The following HECA variants were observed in gnomAD, a reference collection of about 807,000 sequenced individuals.
HECA encodes HECA ribonucleoprotein granule regulator.
In HECA, 13 loss-of-function variants were observed where a neutral mutation model predicts 37.6. That is an observed-to-expected ratio of 0.35 (90% confidence interval 0.23 to 0.55). The LOEUF is 0.55. Among genes scored for constraint, HECA ranks in the 20% least tolerant of loss-of-function variants. The pLI is 0.90. For missense variants in HECA, 527 were observed against 701.9 expected (o/e 0.75, Z 2.82); for synonymous variants, 307 against 291.5 (o/e 1.05, Z -0.54).
chr6:139,176,994 G>A lies in HECA; in HGVS notation c.1521G>A (p.Gly507=), dbSNP rs750458380. The A allele has an allele frequency of 2.6e-5, 23 of 872,620 alleles. No individual in the cohort carries two copies. The highest frequency in any genetic ancestry group is 2.0e-6 in the Non-Finnish European group (1 of 501,558). The allele number at this position is 872,620 out of a possible 1,614,324, so 54.1% of individuals were successfully genotyped here. A position where few individuals can be genotyped will look rare whatever the true frequency, so the allele number is the denominator to read the frequency against. ...CGKPVIDVRI[G]MQYFSEYSNV... ...AGCCGGTGATCGACGTGAGGATCGG[G>A]ATGCAGTACTTCTCCGAATATAGCA... is the stretch of plus-strand genomic sequence containing the variant. Residue 507 remains glycine, a synonymous_variant, in exon 4 of 4, where the codon GGG becomes GGA. Transcript: ENST00000367658. This position sits in a 1 kb window ranked among gnomAD's most constrained non-coding sequence, Gnocchi z 4.5.
Position 139,167,352 on chromosome 6 carries a change from T to C in HECA, c.1312+28T>C, listed in dbSNP as rs900233574. 2.0e-6 allele frequency: 3 copies of C among 1,487,998 alleles called. No homozygotes were observed. In the Middle Eastern group the frequency reaches 5.3e-4, roughly 265 times the overall value. 92.2% of individuals were successfully genotyped at this position (1,487,998 alleles called of 1,614,324 possible). On this transcript the variant is annotated intron_variant, in intron 2 of 3. Coordinates refer to ENST00000367658, the MANE Select transcript of HECA (RefSeq NM_016217.3). Reference sequence around the variant, plus strand: ...ATAGGTGTTAATTCACCTTGCCTGCTTTCTGTTTGTTAAAAACCAAACAAC... The same window carrying C: ...ATAGGTGTTAATTCACCTTGCCTGCCTTCTGTTTGTTAAAAACCAAACAAC...
chr6:139,174,357 C>T, intron 2 of HECA, 28 bp from the exon 3 acceptor site: 1 of 1,594,762 alleles, frequency 6.3e-7, no homozygotes. Context: ...ATGATGGCCA[C>T]TCAGAGCCTT....
At chr6:139,152,724 G>A (rs1039962073) in intron 1 of HECA, among the ~76,000 whole-genome samples, 7 of 152,098 alleles carry the variant, frequency 4.6e-5, no homozygotes, top group African/African-American at 1.7e-4. Flanking sequence ...TCCTTTATGT[G>A]TAGTGCTTAG....
chr6:139,160,571 G>A (rs1774784907), intron 1 of HECA, among the ~76,000 whole-genome samples: 1 of 152,072 alleles, frequency 6.6e-6, no homozygotes, highest in South Asian at 2.1e-4. Flanking sequence ...ATGCCACTGA[G>A]CCCAACTAAT....
chr6:139,141,734 C>G (rs1203286346), intron 1 of HECA, among the ~76,000 whole-genome samples: 1 of 146,350 alleles, frequency 6.8e-6, no homozygotes, highest in African/African-American at 2.5e-5. Context: ...CATGAGAGCC[C>G]TCATGGCCTA....
intron 1 of HECA, among the ~76,000 whole-genome samples, chr6:139,142,826 T>C (rs1774531781): frequency 6.6e-6 from 1 of 152,176 alleles, no homozygotes; most frequent in Non-Finnish European, 1.5e-5. Flanking sequence ...CGGGCTCCTG[T>C]AATCTCAGCT....
intron 1 of HECA, among the ~76,000 whole-genome samples, chr6:139,139,937 C>T (rs9321702): frequency 0.67 from 101,861 of 152,140 alleles, 35,104 homozygotes; most frequent in African/African-American, 0.79. Context: ...AAATATTTCT[C>T]ACTAACAACT....
At position 139,179,735 on chromosome 6, in the gene HECA, T is replaced by C. The variant is rs1775107506; in HGVS notation, c.*2630T>C. On this transcript the variant is annotated 3_prime_UTR_variant, in exon 4 of 4. Transcript: ENST00000367658. ...AATACCCCAAGCTTGCCCTGAATACTTTGATTGGAATTGGAATATATCAAA... is the reference window on the plus strand; with the variant it reads ...AATACCCCAAGCTTGCCCTGAATACCTTGATTGGAATTGGAATATATCAAA... 6.6e-6 allele frequency: 1 copy of C among 152,170 alleles called. No individual in the cohort carries two copies. The highest frequency in any genetic ancestry group is 2.4e-5 in the African/African-American group (1 of 41,436). 9.4% of individuals were successfully genotyped at this position (152,170 alleles called of 1,614,324 possible). A position where few individuals can be genotyped will look rare whatever the true frequency, so the allele number is the denominator to read the frequency against.
Position 139,167,185 on chromosome 6 carries a change from C to T in HECA, c.1173C>T (p.Ser391=), listed in dbSNP as rs781452221. 1 of 1,614,186 alleles carries T rather than the reference C, an allele frequency of 6.2e-7. No individual in the cohort carries two copies. The highest frequency in any genetic ancestry group is 1.1e-5 in the South Asian group (1 of 91,078). The change falls in exon 2 of 4, where the codon AGC becomes AGT. Residue 391 remains serine, a synonymous_variant. Transcript: ENST00000367658. ...RKFILAALSA[S]HRNVVNCALC... ...TCATTCTGGCCGCGCTCAGTGCCAG[C>T]CACAGAAACGTGGTAAACTGTGCCC...
intron 1 of HECA, among the ~76,000 whole-genome samples, chr6:139,142,764 G>A (rs971419423): frequency 1.3e-5 from 2 of 152,154 alleles, no homozygotes; most frequent in African/African-American, 4.8e-5. Context: ...TGACCAACAT[G>A]CTGAAACCCT....
Position 139,180,204 on chromosome 6 carries a change from G to T in HECA, c.*3099G>T, listed in dbSNP as rs8476. ...AAGAAGTTCATTTTCTGAGTAAAAG[G>T]TATTTTCATATATGTTGGGGGAAAA... On this transcript the variant is annotated 3_prime_UTR_variant, in exon 4 of 4. Coordinates refer to ENST00000367658, the MANE Select transcript of HECA (RefSeq NM_016217.3). 129,704 of 152,216 alleles carry T rather than the reference G, an allele frequency of 0.85. 56,153 individuals are homozygous for T. Among genetic ancestry groups the T allele is most frequent in the African/African-American group, 0.96 (39,836 of 41,576 alleles). The allele number at this position is 152,216 out of a possible 1,614,324, so 9.4% of individuals were successfully genotyped here.
chr6:139,177,246 G>A lies in HECA; in HGVS notation c.*141G>A. On this transcript the variant is annotated 3_prime_UTR_variant, in exon 4 of 4. Coordinates refer to ENST00000367658, the MANE Select transcript of HECA (RefSeq NM_016217.3). The surrounding 1 kb of genome is among the most constrained non-coding windows in gnomAD (Gnocchi z 4.9). ...TTGTTGTATGTGTGCCACTAAAATAGGGGCTGCCCTTGCCCTGTCTTGATT... is the reference window on the plus strand; with the variant it reads ...TTGTTGTATGTGTGCCACTAAAATAAGGGCTGCCCTTGCCCTGTCTTGATT... 1 of 577,890 alleles carries A rather than the reference G, an allele frequency of 1.7e-6. No individual in the cohort carries two copies. The highest frequency in any genetic ancestry group is 3.0e-6 in the Non-Finnish European group (1 of 330,312). The allele number at this position is 577,890 out of a possible 1,614,324, so 35.8% of individuals were successfully genotyped here. A position where few individuals can be genotyped will look rare whatever the true frequency, so the allele number is the denominator to read the frequency against.
rs1038478264 is a variant in HECA at position 139,135,250 on chromosome 6, C to A, written c.-147C>A. The A allele has an allele frequency of 1.8e-6, 1 of 567,426 alleles. No homozygotes were observed. The highest frequency in any genetic ancestry group is 2.4e-6 in the Non-Finnish European group (1 of 424,402). 35.1% of individuals were successfully genotyped at this position (567,426 alleles called of 1,614,324 possible). ...GCGGCCAGGATGGCGCGGCACGGGC[C>A]GTGCGGCTAGACGGGAGCCGAGGGA... On this transcript the variant is annotated 5_prime_UTR_variant, in exon 1 of 4. Transcript: ENST00000367658.
chr6:139,153,468 G>A (rs1193595397), intron 1 of HECA, among the ~76,000 whole-genome samples: 1 of 151,684 alleles, frequency 6.6e-6, no homozygotes, highest in Non-Finnish European at 1.5e-5. Flanking sequence ...CGTCGCCCAG[G>A]CTGGAGTGCA....
chr6:139,156,054 T>C (rs2114453546), intron 1 of HECA, among the ~76,000 whole-genome samples: 1 of 152,084 alleles, frequency 6.6e-6, no homozygotes, highest in East Asian at 1.9e-4. Flanking sequence ...TTATATTTTA[T>C]ATGTTTATAT....
intron 1 of HECA, chr6:139,144,121 C>A (rs1774550799): frequency 6.6e-6 from 1 of 152,208 alleles, no homozygotes; most frequent in Non-Finnish European, 1.5e-5. Flanking sequence ...TCTCTCCAGG[C>A]AACTACTGGA....
chr6:139,137,631 CTTT>C (rs34487492), intron 1 of HECA, among the ~76,000 whole-genome samples: 1 of 123,660 alleles, frequency 8.1e-6, no homozygotes, highest in Admixed American at 8.5e-5. Flanking sequence ...CTACCAGCTC[CTTT>C]TTTTTTTTTT....
At chr6:139,158,670 C>CAAAAAA (rs4052916) in intron 1 of HECA, among the ~76,000 whole-genome samples, 1 of 123,164 alleles carries the variant, frequency 8.1e-6, no homozygotes, top group Non-Finnish European at 1.7e-5. Context: ...GACCCTGTCT[C>CAAAAAA]AAAAAAAAAA....
At chr6:139,155,276 CAG>C (rs1562245138) in intron 1 of HECA, among the ~76,000 whole-genome samples, 1 of 152,138 alleles carries the variant, frequency 6.6e-6, no homozygotes, top group Non-Finnish European at 1.5e-5. Flanking sequence ...AAAAGATAAA[CAG>C]TGGTACACAC....
Sources: allele counts gnomAD v4.1 joint callset (sites outside exome capture counted in the v4.1 genomes callset), GRCh38; gene constraint gnomAD v4.1.1; non-coding constraint Gnocchi (gnomAD v3.1); transcripts MANE v1.5; gene names NCBI Gene and HGNC (gene_info 2026-07-23, HGNC 2026-07-21).